Variants in MAP3K5 observed in about 807,000 individuals in gnomAD.
MAP3K5 encodes the protein ASK-1.
A neutral mutation model predicts 158.7 loss-of-function variants in MAP3K5; 56 were observed. That is an observed-to-expected ratio of 0.35 (90% confidence interval 0.28 to 0.44). The LOEUF is 0.44. MAP3K5 is among the 20% of genes least tolerant of loss of function. MAP3K5 has a pLI of 1.00. For synonymous variants in MAP3K5, 579 were observed against 601.7 expected (o/e 0.96, Z 0.55); for missense variants, 1,294 against 1,674.8 (o/e 0.77, Z 3.97).
At chr6:136,621,923 A>T (rs933310039) in intron 15 of MAP3K5, among the ~76,000 whole-genome samples, 1 of 151,968 alleles carries the variant, frequency 6.6e-6, no homozygotes, top group Non-Finnish European at 1.5e-5. Context: ...CGTCTCTATT[A>T]AAAATACAAA....
intron 8 of MAP3K5, among the ~76,000 whole-genome samples, chr6:136,664,439 C>T (rs1779141754): frequency 6.6e-6 from 1 of 152,096 alleles, no homozygotes; most frequent in Non-Finnish European, 1.5e-5. Context: ...ATCCCTGAAC[C>T]ACCCCCCACC....
At chr6:136,763,183 G>A (rs556820227) in intron 1 of MAP3K5, among the ~76,000 whole-genome samples, 3 of 152,092 alleles carry the variant, frequency 2.0e-5, no homozygotes, top group South Asian at 2.1e-4. Context: ...TTGTAGAGAC[G>A]GGGCATCACT....
At chr6:136,601,069 G>A in intron 20 of MAP3K5, 27 bp from the exon 21 acceptor site, 1 of 1,612,938 alleles carries the variant, frequency 6.2e-7, no homozygotes. Context: ...AAACAGCCAT[G>A]AATAAGCACG....
At chr6:136,669,882 A>AC (rs939686679) in intron 7 of MAP3K5, among the ~76,000 whole-genome samples, 2 of 109,206 alleles carry the variant, frequency 1.8e-5, no homozygotes, top group African/African-American at 5.8e-5. Context: ...GCCATCATTC[A>AC]GGGTGTGTGT....
intron 16 of MAP3K5, 41 bp downstream of exon 16, chr6:136,614,118 T>G (rs764346079): frequency 1.4e-5 from 23 of 1,603,148 alleles, no homozygotes; most frequent in Non-Finnish European, 5.1e-6. Flanking sequence ...CCTCCGAAGC[T>G]CTAAACATTC....
At chr6:136,766,525 G>T (rs1013028882) in intron 1 of MAP3K5, among the ~76,000 whole-genome samples, 6 of 152,196 alleles carry the variant, frequency 3.9e-5, no homozygotes, top group African/African-American at 1.2e-4. Context: ...CAACAACTGG[G>T]TTTTAGGGTA....
At chr6:136,784,577 C>T (rs1483290683) in intron 1 of MAP3K5, among the ~76,000 whole-genome samples, 1 of 152,042 alleles carries the variant, frequency 6.6e-6, no homozygotes, top group Non-Finnish European at 1.5e-5. Context: ...AGTTTATCTA[C>T]GTTTGCTCTT....
intron 14 of MAP3K5, among the ~76,000 whole-genome samples, chr6:136,635,725 CAAAA>C (rs140167177): frequency 6.9e-4 from 47 of 67,854 alleles, no homozygotes; most frequent in African/African-American, 2.4e-3. Flanking sequence ...CCGTCTCCAC[CAAAA>C]AAAAAAAAAA....
At chr6:136,669,511 T>C (rs181182131) in intron 7 of MAP3K5, 116 bp from the exon 8 acceptor site, 374 of 641,238 alleles carry the variant, frequency 5.8e-4, no homozygotes, top group Admixed American at 1.2e-3. Context: ...TGCACTGGCC[T>C]TCACCCCAGA....
intron 7 of MAP3K5, among the ~76,000 whole-genome samples, chr6:136,687,532 A>C (rs1433969484): frequency 6.6e-6 from 1 of 152,236 alleles, no homozygotes; most frequent in African/African-American, 2.4e-5. Flanking sequence ...CCATTTGACA[A>C]AGGGCTAATA....
rs752841448 is a variant in MAP3K5 at position 136,720,510 on chromosome 6, G to A, written c.528C>T (p.Ser176=). The change falls in exon 2 of 30, where the codon AGC becomes AGT. Residue 176 remains serine, a synonymous_variant. Coordinates refer to ENST00000359015, the MANE Select transcript of MAP3K5 (RefSeq NM_005923.4). ...AGTAGAGGATGATGTTGTTGGCCAT[G>A]CTGAAACTTTCTCTCACCCCAAGGT... ...FYHLGVRESF[S]MANNIILYCD... 3.1e-5 allele frequency: 50 copies of A among 1,613,424 alleles called. No individual in the cohort carries two copies. The highest frequency in any genetic ancestry group is 4.2e-5 in the Non-Finnish European group (50 of 1,179,668).
chr6:136,747,462 A>T lies in MAP3K5; in HGVS notation c.449-26873T>A, dbSNP rs117350963. On this transcript the variant is annotated intron_variant, in intron 1 of 29. Coordinates refer to ENST00000359015, the MANE Select transcript of MAP3K5 (RefSeq NM_005923.4). ...AAAAGAATTTTCTGGGGCGAAACAA[A>T]CTATAACTCTAAAAGGAACCAACAG... Among the ~76,000 whole-genome samples the T allele has an allele frequency of 1.0e-2, 1,520 of 152,330 alleles. 16 individuals carry two copies. Among genetic ancestry groups the T allele is most frequent in the Non-Finnish European group, 0.015 (997 of 68,026 alleles).
Position 136,612,980 on chromosome 6 carries a change from A to G in MAP3K5, c.2415+140T>C, listed in dbSNP as rs563575274. The G allele has an allele frequency of 8.8e-6, 7 of 792,106 alleles. No homozygotes were observed. In the African/African-American group the frequency reaches 1.2e-4, roughly 14 times the overall value. 49.1% of individuals were successfully genotyped at this position (792,106 alleles called of 1,614,324 possible). On this transcript the variant is annotated intron_variant, in intron 17 of 29. Coordinates refer to ENST00000359015, the MANE Select transcript of MAP3K5 (RefSeq NM_005923.4). ...TAAATAACTGATTCAGGGTTGAACGATATTTTATATTTCTGCTGTTTCTAA... is the reference window on the plus strand; with the variant it reads ...TAAATAACTGATTCAGGGTTGAACGGTATTTTATATTTCTGCTGTTTCTAA...
intron 1 of MAP3K5, among the ~76,000 whole-genome samples, chr6:136,724,647 C>T (rs1781888387): frequency 6.6e-6 from 1 of 152,140 alleles, no homozygotes; most frequent in African/African-American, 2.4e-5. Flanking sequence ...ATAAAGAACA[C>T]TGAAAGGTGC....
At chr6:136,592,697 ATTC>A in intron 21 of MAP3K5, 83 bp from the exon 22 acceptor site, 1 of 1,140,544 alleles carries the variant, frequency 8.8e-7, no homozygotes, top group Non-Finnish European at 1.3e-6. Context: ...AAGAGGCCAT[ATTC>A]TTTGTCAAAT....
In MAP3K5 at chr6:136,601,901, C is replaced by G. The variant is rs373861443; in HGVS notation, c.2758G>C (p.Glu920Gln). The change falls in exon 20 of 30, where the codon GAA becomes CAA. Residue 920 changes from glutamate to glutamine, a missense_variant. Physicochemically the swap from Glu to Gln is conservative, Grantham distance 29. Around this residue, in one of 5 missense-constraint regions of MAP3K5, gnomAD observed 362 missense variants for 463.2 expected, o/e 0.78. Transcript: ENST00000359015. ...EAKAFILKCF[E>Q]PDPDKRACAN... The stretch of plus-strand genomic sequence containing the variant: ...CAGGCTCTCTTGTCAGGATCTGGTT[C>G]AAAACATTTCAGTATGAATGCCTTG... 143 of 1,614,142 alleles carry G rather than the reference C, an allele frequency of 8.9e-5. 1 individual carries two copies. The highest frequency in any genetic ancestry group is 2.3e-4 in the Admixed American group (14 of 60,028).
chr6:136,792,839 C>T (rs1310258407), upstream of MAP3K5, among the ~76,000 whole-genome samples: 3 of 152,224 alleles, frequency 2.0e-5, no homozygotes, highest in African/African-American at 7.2e-5. The surrounding 1 kb of genome is among the most constrained non-coding windows in gnomAD (Gnocchi z 5.7). Context: ...CAGACGCTCT[C>T]CCTCTCCACC....
At chr6:136,610,211 G>A (rs2129089765) in intron 18 of MAP3K5, among the ~76,000 whole-genome samples, 1 of 151,954 alleles carries the variant, frequency 6.6e-6, no homozygotes, top group South Asian at 2.1e-4. Context: ...ATGATGGAGT[G>A]ATAAGAACTA....
At chr6:136,560,795 T>A (rs1338424749) in intron 28 of MAP3K5, among the ~76,000 whole-genome samples, 2 of 151,446 alleles carry the variant, frequency 1.3e-5, no homozygotes, top group African/African-American at 2.4e-5. Flanking sequence ...ATTTTTTTTT[T>A]AATTAGCTGG....
Sources: allele counts gnomAD v4.1 joint callset (sites outside exome capture counted in the v4.1 genomes callset), GRCh38; gene constraint gnomAD v4.1.1; regional missense constraint gnomAD v4.1.1; non-coding constraint Gnocchi (gnomAD v3.1); transcripts MANE v1.5; gene names NCBI Gene and HGNC (gene_info 2026-07-23, HGNC 2026-07-21).